The following ODAD3 variants were observed in gnomAD, a reference collection of about 807,000 sequenced individuals.
ODAD3 encodes outer dynein arm docking complex subunit 3.
In ODAD3, 57 loss-of-function variants were observed where a neutral mutation model predicts 70.9. The observed-to-expected ratio is 0.80, with a 90% CI of 0.65 to 1.00. ODAD3 has a LOEUF of 1.00. Among genes scored for constraint, ODAD3 ranks in the 50% least tolerant of loss-of-function variants. The pLI is 0.00. For missense variants in ODAD3, 797 were observed against 763.9 expected (o/e 1.04, Z -0.51); for synonymous variants, 327 against 315.9 (o/e 1.04, Z -0.37).
chr19:11,432,323 A>G (rs1032351255), intron 1 of ODAD3, among the ~76,000 whole-genome samples: 3 of 152,140 alleles, frequency 2.0e-5, no homozygotes, highest in African/African-American at 7.2e-5. Context: ...ATCACTGCTC[A>G]CTGAAGCCTC....
At chr19:11,433,900 C>A (rs1224670681) in intron 1 of ODAD3, among the ~76,000 whole-genome samples, 1 of 152,020 alleles carries the variant, frequency 6.6e-6, no homozygotes, top group Non-Finnish European at 1.5e-5. Flanking sequence ...ACACTCCAGC[C>A]TCAACAGCAG....
At chr19:11,434,307 A>G (rs1599471088) in intron 1 of ODAD3, among the ~76,000 whole-genome samples, 1 of 151,688 alleles carries the variant, frequency 6.6e-6, no homozygotes, top group Admixed American at 6.6e-5. Context: ...TCACGCCTGT[A>G]ATCCCAGCAG....
Position 11,422,814 on chromosome 19 carries a change from C to A in ODAD3, c.1164G>T (p.Leu388Phe), listed in dbSNP as rs746487206. 10 of 1,608,370 alleles carry A rather than the reference C, an allele frequency of 6.2e-6. No homozygotes were observed. The highest frequency in any genetic ancestry group is 1.3e-5 in the African/African-American group (1 of 74,946). ...FLAQGDTFAQ[L>F]ETLKSENEQT... ...GCTCGTTCTCGCTCTTGAGCGTCTC[C>A]AACTGCGCGAAGGTGTCGCCCTGGG... Residue 388 changes from leucine (L) to phenylalanine (F), a missense_variant, in exon 9 of 13, where the codon TTG (leucine) becomes TTT (phenylalanine). Physicochemically the swap from Leu to Phe is conservative, Grantham distance 22. Transcript: ENST00000356392. This position sits in a 1 kb window ranked among gnomAD's most constrained non-coding sequence, Gnocchi z 4.6.
rs1354114504 is a variant in ODAD3, at chr19:11,434,218, AC to A, written c.244+554del. ...ACAGAGCAAGACCCTGTCTCAAAAA[AC>A]AAAAAACAAAACAAAAAAAAACGCG... On this transcript the variant is annotated intron_variant, in intron 1 of 12. Transcript: ENST00000356392. Among the ~76,000 whole-genome samples the A allele has an allele frequency of 3.0e-3, 405 of 133,712 alleles. 23 individuals carry two copies. The highest frequency in any genetic ancestry group is 9.7e-3 in the African/African-American group (319 of 32,722). The allele number at this position is 133,712 out of a possible 152,430, so 87.7% of individuals were successfully genotyped here. A position where few individuals can be genotyped will look rare whatever the true frequency, so the allele number is the denominator to read the frequency against.
intron 3 of ODAD3, 136 bp from the exon 4 acceptor site, chr19:11,427,176 A>C: frequency 1.1e-6 from 1 of 910,994 alleles, no homozygotes; most frequent in Non-Finnish European, 1.6e-6. Flanking sequence ...CTCCCTGGCC[A>C]CCCCTTCTGT....
chr19:11,421,725 G>A lies in ODAD3; in HGVS notation c.1542C>T (p.Leu514=), dbSNP rs775607293. 2 of 1,613,410 alleles carry A rather than the reference G, an allele frequency of 1.2e-6. No homozygotes were observed. Among genetic ancestry groups the A allele is most frequent in the South Asian group, 2.2e-5 (2 of 91,088 alleles). Residue 514 remains leucine (L), a synonymous_variant, in exon 11 of 13, where the codon CTC becomes CTT. Transcript: ENST00000356392. ...EEKLLKLQAQ[L]QGHDVQEMLC... Reference sequence around the variant, plus strand: ...GCATCTCCTGCACGTCGTGGCCCTGGAGCTGCGCCTGCAGTTTCAGCAGCT... The same window carrying A: ...GCATCTCCTGCACGTCGTGGCCCTGAAGCTGCGCCTGCAGTTTCAGCAGCT...
At chr19:11,431,394 G>A (rs1374413556) in intron 1 of ODAD3, among the ~76,000 whole-genome samples, 1 of 151,916 alleles carries the variant, frequency 6.6e-6, no homozygotes, top group Non-Finnish European at 1.5e-5. Context: ...TTATAGGTGT[G>A]AGCCACTGTG....
In ODAD3 at chr19:11,434,869, G is replaced by A. The variant is rs143295007; in HGVS notation, c.148C>T (p.Pro50Ser). The A allele has an allele frequency of 3.6e-3, 5,833 of 1,614,184 alleles. 25 individuals carry two copies. Among genetic ancestry groups the A allele is most frequent in the Non-Finnish European group, 3.4e-3 (4,036 of 1,180,036 alleles). The change falls in exon 1 of 13, where the codon CCA becomes TCA. Residue 50 changes from proline (P) to serine (S), a missense_variant. By Grantham distance (74) the Pro-to-Ser change is moderately conservative. Coordinates refer to ENST00000356392, the MANE Select transcript of ODAD3 (RefSeq NM_145045.5). ...AAGGATCCTCCCTTGGAACGGCCTG[G>A]GGTCCACGCCTGGGCTGTGCCCTTG... ...RGKGTAQAWTPGRSKGGSFHR... is the reference protein window; with the variant it reads ...RGKGTAQAWTSGRSKGGSFHR...
chr19:11,426,235 A>G lies in ODAD3; in HGVS notation c.872T>C (p.Val291Ala), dbSNP rs1326876881. Residue 291 changes from valine to alanine, a missense_variant, in exon 7 of 13, where the codon GTT becomes GCT. Physicochemically the swap from Val to Ala is moderately conservative, Grantham distance 64 (BLOSUM62 0). Coordinates refer to ENST00000356392, the MANE Select transcript of ODAD3 (RefSeq NM_145045.5). ...GCGTTCCCGCTTCTTGCGCTCTCGA[A>G]CCAAGGTCTCCTCTAGGTACTGCAG... ...NQLQYLEETLVRERKKRERYI... is the reference protein window; with the variant it reads ...NQLQYLEETLARERKKRERYI... 3.1e-6 allele frequency: 5 copies of G among 1,613,698 alleles called. No homozygotes were observed. In the African/African-American group the frequency reaches 5.3e-5, roughly 17 times the overall value.
In ODAD3 at chr19:11,425,486, TATATGTATATATGTATATATGTGTGTA is replaced by T. The variant is rs1969330655; in HGVS notation, c.963+631_963+657del. Among the ~76,000 whole-genome samples, 1,127 of 142,678 alleles carry T rather than the reference TATATGTATATATGTATATATGTGTGTA, an allele frequency of 7.9e-3. 25 individuals are homozygous for T. The highest frequency in any genetic ancestry group is 0.013 in the Admixed American group (177 of 14,084). The allele number at this position is 142,678 out of a possible 152,430, so 93.6% of individuals were successfully genotyped here. A position where few individuals can be genotyped will look rare whatever the true frequency, so the allele number is the denominator to read the frequency against. Reference sequence around the variant, plus strand: ...GTGTATATATGTATATATGTGTGTATATATGTATATATGTATATATGTGTGTATATATGTATATATGTATATATGTGT... The same window carrying T: ...GTGTATATATGTATATATGTGTGTATTATATGTATATATGTATATATGTGT... On this transcript the variant is annotated intron_variant, in intron 7 of 12. Coordinates refer to ENST00000356392, the MANE Select transcript of ODAD3 (RefSeq NM_145045.5).
Position 11,425,255 on chromosome 19 carries a change from A to G in ODAD3, c.963+889T>C, listed in dbSNP as rs190329987. 1.7e-4 allele frequency among the ~76,000 whole-genome samples: 24 copies of G among 140,852 alleles called. 1 individual carries two copies. The South Asian group carries it at 2.0e-3, about 11-fold the overall frequency. 92.4% of individuals were successfully genotyped at this position (140,852 alleles called of 152,430 possible). A position where few individuals can be genotyped will look rare whatever the true frequency, so the allele number is the denominator to read the frequency against. On this transcript the variant is annotated intron_variant, in intron 7 of 12. Transcript: ENST00000356392. The stretch of plus-strand genomic sequence containing the variant: ...TATGTACATATGTGTATATATGTAT[A>G]TGTACATATGTGTATATGTGTGTAT...
Position 11,421,184 on chromosome 19 carries a change from G to A in ODAD3, c.1619C>T (p.Pro540Leu). The A allele has an allele frequency of 1.2e-6, 2 of 1,613,562 alleles. No individual in the cohort carries two copies. The highest frequency in any genetic ancestry group is 1.3e-5 in the African/African-American group (1 of 74,966). Residue 540 changes from proline to leucine, a missense_variant, in exon 12 of 13, where the codon CCC becomes CTC. Physicochemically the swap from Pro to Leu is moderately conservative, Grantham distance 98. Coordinates refer to ENST00000356392, the MANE Select transcript of ODAD3 (RefSeq NM_145045.5). Reference sequence around the variant, plus strand: ...CAGGGCGATGCGGGTGTTGTATTCGGGCAGCCTTCCCTCTAAGCTGGCGAG... The same window carrying A: ...CAGGGCGATGCGGGTGTTGTATTCGAGCAGCCTTCCCTCTAAGCTGGCGAG... ...EFLASLEGRLPEYNTRIALPL... is the reference protein window; with the variant it reads ...EFLASLEGRLLEYNTRIALPL...
chr19:11,424,590 T>C lies in ODAD3; in HGVS notation c.964-561A>G, dbSNP rs572460223. Among the ~76,000 whole-genome samples the C allele has an allele frequency of 1.1e-3, 147 of 134,912 alleles. 3 individuals are homozygous for C. Among genetic ancestry groups the C allele is most frequent in the African/African-American group, 4.6e-3 (138 of 30,218 alleles). 88.5% of individuals were successfully genotyped at this position (134,912 alleles called of 152,430 possible). On this transcript the variant is annotated intron_variant, in intron 7 of 12. Transcript: ENST00000356392. Reference sequence around the variant, plus strand: ...GTATATATGTGTATATATACCTATGTGTATAAATATATATGTGTATATATA... The same window carrying C: ...GTATATATGTGTATATATACCTATGCGTATAAATATATATGTGTATATATA...
At chr19:11,435,634 T>C, upstream of ODAD3, 2 of 1,247,260 alleles carry the variant, frequency 1.6e-6, no homozygotes, top group Non-Finnish European at 2.1e-6. Flanking sequence ...ATTTCCGCTT[T>C]CTTTCTGCAG....
Position 11,421,830 on chromosome 19 carries a change from C to T in ODAD3, c.1437G>A (p.Glu479=). The part of the protein sequence containing the change: ...LASKLIHITV[E]DGRFAGKELD... The stretch of plus-strand genomic sequence containing the variant: ...GCTCCTTTCCCGCGAAGCGGCCGTC[C>T]TCCTGCGGCCAGGGTAGAGCCGGGT... Residue 479 remains glutamate (E), a splice_region_variant and synonymous_variant, in exon 11 of 13, where the codon GAG becomes GAA. Coordinates refer to ENST00000356392, the MANE Select transcript of ODAD3 (RefSeq NM_145045.5). The T allele has an allele frequency of 1.2e-6, 2 of 1,612,166 alleles. No individual in the cohort carries two copies. Among genetic ancestry groups the T allele is most frequent in the Non-Finnish European group, 1.7e-6 (2 of 1,179,430 alleles).
chr19:11,425,003 GTATATA>G (rs1450918838), intron 7 of ODAD3, among the ~76,000 whole-genome samples: 1 of 124,966 alleles, frequency 8.0e-6, no homozygotes, highest in African/African-American at 3.6e-5. Context: ...ATGTGTATAT[GTATATA>G]TGTGTATATA....
chr19:11,430,926 C>T lies in ODAD3; in HGVS notation c.339G>A (p.Leu113=). ...TGAGCAGGTCCAGCAGCTTTAGTTCCAGTGCCTTAGTCTCCTTGCGGAGCT... is the reference window on the plus strand; with the variant it reads ...TGAGCAGGTCCAGCAGCTTTAGTTCTAGTGCCTTAGTCTCCTTGCGGAGCT... ...ISQLRKETKA[L]ELKLLDLLKG... Residue 113 remains leucine (L), a synonymous_variant, in exon 2 of 13, where the codon CTG becomes CTA. Transcript: ENST00000356392. The T allele has an allele frequency of 6.2e-7, 1 of 1,614,034 alleles. No homozygotes were observed. The highest frequency in any genetic ancestry group is 8.5e-7 in the Non-Finnish European group (1 of 1,180,028).
In ODAD3 at chr19:11,434,855, C is replaced by T. The variant is rs760099253; in HGVS notation, c.162G>A (p.Lys54=). 1 of 1,614,190 alleles carries T rather than the reference C, an allele frequency of 6.2e-7. No homozygotes were observed. The highest frequency in any genetic ancestry group is 8.5e-7 in the Non-Finnish European group (1 of 1,180,028). ...CTGCACCTCTGTGGAAGGATCCTCC[C>T]TTGGAACGGCCTGGGGTCCACGCCT... is the stretch of plus-strand genomic sequence containing the variant. ...TAQAWTPGRS[K]GGSFHRGAGK... Residue 54 remains lysine, a synonymous_variant, in exon 1 of 13, where the codon AAG becomes AAA. Transcript: ENST00000356392.
chr19:11,435,744 T>C (rs160913), upstream of ODAD3: 4,714 of 1,352,920 alleles, frequency 3.5e-3, 145 homozygotes, highest in African/African-American at 0.061. Context: ...CACCTCAGTT[T>C]CTTACAGGGG....
Sources: allele counts gnomAD v4.1 joint callset (sites outside exome capture counted in the v4.1 genomes callset), GRCh38; gene constraint gnomAD v4.1.1; non-coding constraint Gnocchi (gnomAD v3.1); transcripts MANE v1.5; gene names NCBI Gene and HGNC (gene_info 2026-07-23, HGNC 2026-07-21).